Variants in RERE observed in about 807,000 individuals in gnomAD.
RERE encodes the protein arginine-glutamic acid dipeptide repeats protein.
RERE carries 40 observed loss-of-function variants against 146.1 expected under a neutral mutation model. The observed-to-expected ratio is 0.27, with a 90% CI of 0.21 to 0.36. RERE has a LOEUF of 0.36. Ranked by LOEUF, RERE falls within the 10% of genes least tolerant of loss-of-function variation. RERE has a pLI of 1.00. For missense variants in RERE, 1,933 were observed against 2,138.7 expected (o/e 0.90, Z 1.90); for synonymous variants, 1,003 against 866.0 (o/e 1.16, Z -2.78).
At chr1:8,525,140 G>A (rs1437404850) in intron 7 of RERE, among the ~76,000 whole-genome samples, 1 of 152,138 alleles carries the variant, frequency 6.6e-6, no homozygotes, top group African/African-American at 2.4e-5. Context: ...AAAAACTGAT[G>A]TGACATAACC....
At chr1:8,727,483 G>A (rs542592662) in intron 1 of RERE, among the ~76,000 whole-genome samples, 1 of 151,922 alleles carries the variant, frequency 6.6e-6, no homozygotes, top group South Asian at 2.1e-4. Context: ...ATTACCCACT[G>A]TTTTTTATTT....
At chr1:8,650,453 G>A (rs1464987698) in intron 2 of RERE, among the ~76,000 whole-genome samples, 1 of 152,160 alleles carries the variant, frequency 6.6e-6, no homozygotes, top group Non-Finnish European at 1.5e-5. Context: ...ATATCCCATA[G>A]AAATAAATGA....
intron 12 of RERE, among the ~76,000 whole-genome samples, chr1:8,410,410 G>A (rs907654316): frequency 6.6e-6 from 1 of 152,140 alleles, no homozygotes; most frequent in Non-Finnish European, 1.5e-5. Flanking sequence ...CACATGAAGA[G>A]CCTCCATGAG....
intron 2 of RERE, among the ~76,000 whole-genome samples, chr1:8,640,818 C>A (rs1030031371): frequency 6.6e-6 from 1 of 152,120 alleles, no homozygotes; most frequent in Non-Finnish European, 1.5e-5. Context: ...CTGGTACTTA[C>A]AATACGCATT....
intron 20 of RERE, among the ~76,000 whole-genome samples, chr1:8,357,881 G>A (rs1392671835): frequency 6.6e-6 from 1 of 152,360 alleles, no homozygotes; most frequent in East Asian, 1.9e-4. Context: ...ACATGACACT[G>A]CTCTGCTGCC....
At chr1:8,488,434 C>T (rs961181640) in intron 10 of RERE, among the ~76,000 whole-genome samples, 4 of 151,984 alleles carry the variant, frequency 2.6e-5, no homozygotes, top group South Asian at 4.1e-4. Flanking sequence ...TTAGTAGAGA[C>T]GAGGTTTCAC....
chr1:8,498,851 G>T lies in RERE; in HGVS notation c.880-1322C>A, dbSNP rs148108533. Among the ~76,000 whole-genome samples, 9 of 150,424 alleles carry T rather than the reference G, an allele frequency of 6.0e-5. No homozygotes were observed. The East Asian group carries it at 1.8e-3, about 30-fold the overall frequency. On this transcript the variant is annotated intron_variant, in intron 8 of 22. Coordinates refer to ENST00000400908, the MANE Select transcript of RERE (RefSeq NM_001042681.2). Reference sequence around the variant, plus strand: ...AGAAGGAATTGCTTGTGAAGAACAGGAAGGACCTTTCTGGGATGACAGAAA... The same window carrying T: ...AGAAGGAATTGCTTGTGAAGAACAGTAAGGACCTTTCTGGGATGACAGAAA...
intron 8 of RERE, among the ~76,000 whole-genome samples, chr1:8,507,580 TC>T (rs1645270853): frequency 6.6e-6 from 1 of 151,762 alleles, no homozygotes; most frequent in Non-Finnish European, 1.5e-5. Context: ...AGCTAATTTT[TC>T]TATTTTTAGT....
intron 1 of RERE, among the ~76,000 whole-genome samples, chr1:8,695,958 T>G (rs1639320650): frequency 6.6e-6 from 1 of 152,030 alleles, no homozygotes; most frequent in African/African-American, 2.4e-5. Context: ...GACATACAAG[T>G]GGCCAACAAA....
rs1569856756 is a variant in RERE, at chr1:8,817,405, G to C, written c.-390C>G. 1 of 152,018 alleles carries C rather than the reference G, an allele frequency of 6.6e-6. No individual in the cohort carries two copies. The highest frequency in any genetic ancestry group is 1.9e-4 in the East Asian group (1 of 5,168). The allele number at this position is 152,018 out of a possible 1,614,324, so 9.4% of individuals were successfully genotyped here. A position where few individuals can be genotyped will look rare whatever the true frequency, so the allele number is the denominator to read the frequency against. The stretch of plus-strand genomic sequence containing the variant: ...CAGATCTTTCAGAAGCAGGAGCCCA[G>C]GATCATGTCTGGTTTTGTTTTCCGA... On this transcript the variant is annotated 5_prime_UTR_variant, in exon 1 of 23. Transcript: ENST00000400908.
At chr1:8,473,940 C>T (rs1323591712) in intron 10 of RERE, among the ~76,000 whole-genome samples, 5 of 152,196 alleles carry the variant, frequency 3.3e-5, no homozygotes, top group Non-Finnish European at 7.3e-5. Flanking sequence ...CCAACAATGC[C>T]GGTAGTCACT....
chr1:8,606,495 G>A (rs909459458), intron 4 of RERE, among the ~76,000 whole-genome samples: 2 of 152,046 alleles, frequency 1.3e-5, no homozygotes, highest in Non-Finnish European at 2.9e-5. Context: ...ATATCTGTAA[G>A]CAGTTTCAAT....
chr1:8,359,046 A>C, intron 19 of RERE, 130 bp from the exon 20 acceptor site: 1 of 1,199,444 alleles, frequency 8.3e-7, no homozygotes, highest in Middle Eastern at 3.0e-4. Context: ...CTCCACGGAG[A>C]CCCGGCCCTG....
intron 2 of RERE, among the ~76,000 whole-genome samples, chr1:8,643,437 T>C (rs893253365): frequency 2.6e-5 from 4 of 152,164 alleles, no homozygotes. Flanking sequence ...ACACAATATA[T>C]GTTACTGGGA....
At chr1:8,780,714 AGCTATTC>A (rs980998478) in intron 1 of RERE, among the ~76,000 whole-genome samples, 8 of 152,242 alleles carry the variant, frequency 5.3e-5, no homozygotes, top group Admixed American at 4.6e-4. Context: ...GAGGAAAAGA[AGCTATTC>A]TCAAGTCCTT....
rs145643860 is a variant in RERE, at chr1:8,665,439, C to A, written c.-144-8998G>T. Among the ~76,000 whole-genome samples the A allele has an allele frequency of 2.9e-3, 444 of 152,280 alleles. 3 individuals carry two copies. The highest frequency in any genetic ancestry group is 0.01 in the African/African-American group (423 of 41,532). ...AAATTATTTCTTCTTCCTTCCCACCCTCTCACACATACGTTGGATCAGTAA... is the reference window on the plus strand; with the variant it reads ...AAATTATTTCTTCTTCCTTCCCACCATCTCACACATACGTTGGATCAGTAA... On this transcript the variant is annotated intron_variant, in intron 1 of 22. Coordinates refer to ENST00000400908, the MANE Select transcript of RERE (RefSeq NM_001042681.2).
rs1242567969 is a variant in RERE, at chr1:8,479,290, ATTTTTTAAATT to A, written c.1105-13278_1105-13268del. 1.1e-3 allele frequency among the ~76,000 whole-genome samples: 166 copies of A among 151,692 alleles called. 1 individual carries two copies. Among genetic ancestry groups the A allele is most frequent in the East Asian group, 4.2e-3 (22 of 5,190 alleles). ...GATGCAAAAATAATAATAATGAGCT[ATTTTTTAAATT>A]TTTTTTAAATTTTTTTTAAATTTCA... On this transcript the variant is annotated intron_variant, in intron 10 of 22. Coordinates refer to ENST00000400908, the MANE Select transcript of RERE (RefSeq NM_001042681.2).
At chr1:8,816,840 C>T (rs1641921890) in intron 1 of RERE, among the ~76,000 whole-genome samples, 1 of 152,138 alleles carries the variant, frequency 6.6e-6, no homozygotes, top group African/African-American at 2.4e-5. Flanking sequence ...CAGTCCTTGA[C>T]TTCCTTCCCT....
chr1:8,524,284 C>T (rs937792751), intron 7 of RERE, among the ~76,000 whole-genome samples: 2 of 152,062 alleles, frequency 1.3e-5, no homozygotes, highest in African/African-American at 2.4e-5. Flanking sequence ...CTAAATTATC[C>T]TTCTACAATT....
Sources: allele counts gnomAD v4.1 joint callset (sites outside exome capture counted in the v4.1 genomes callset), GRCh38; gene constraint gnomAD v4.1.1; transcripts MANE v1.5; gene names NCBI Gene and HGNC (gene_info 2026-07-23, HGNC 2026-07-21).